SPRY4: variants seen among roughly 807,000 people sequenced by gnomAD.
SPRY4 encodes sprouty RTK signaling antagonist 4.
Under a neutral mutation model 17.0 loss-of-function variants are expected in SPRY4, and 7 were observed. The ratio of observed to expected loss-of-function variants is 0.41; its 90% CI spans 0.23 to 0.77. SPRY4 has a LOEUF of 0.77. Ranked by LOEUF, SPRY4 falls within the 30% of genes least tolerant of loss-of-function variation. SPRY4 has a pLI of 0.32. For missense variants in SPRY4, 435 were observed against 419.9 expected (o/e 1.04, Z -0.31); for synonymous variants, 183 against 174.1 (o/e 1.05, Z -0.40).
At position 142,314,588 on chromosome 5, in the gene SPRY4, C is replaced by G; in HGVS notation, c.521G>C (p.Arg174Pro). ...GCAGACCCAGCAGGAAGGCAACGTC[C>G]GGGGGGATGCACACTCCTTGCATTT... ...KCKCKECASPRTLPSCWVCNQ... is the reference protein window; with the variant it reads ...KCKCKECASPPTLPSCWVCNQ... The change falls in exon 2 of 2, where the codon CGG becomes CCG. Residue 174 changes from arginine to proline, a missense_variant. Physicochemically the swap from Arg to Pro is moderately radical, Grantham distance 103. Transcript: ENST00000434127. The surrounding 1 kb of genome is among the most constrained non-coding windows in gnomAD (Gnocchi z 4.8). The G allele has an allele frequency of 6.2e-7, 1 of 1,614,206 alleles. No homozygotes were observed. The highest frequency in any genetic ancestry group is 8.5e-7 in the Non-Finnish European group (1 of 1,180,030).
rs773748066 is a variant in SPRY4, at chr5:142,314,527, G to A, written c.582C>T (p.Val194=). The A allele has an allele frequency of 1.9e-6, 3 of 1,614,218 alleles. No individual in the cohort carries two copies. The highest frequency in any genetic ancestry group is 2.5e-6 in the Non-Finnish European group (3 of 1,180,030). The change falls in exon 2 of 2, where the codon GTC becomes GTT. Residue 194 remains valine (V), a synonymous_variant. Coordinates refer to ENST00000434127, the MANE Select transcript of SPRY4 (RefSeq NM_001127496.3). This position sits in a 1 kb window ranked among gnomAD's most constrained non-coding sequence, Gnocchi z 4.8. ...QECLCSAQTL[V]NYGTCMCLVQ... is the part of the protein sequence containing the mutation. Reference sequence around the variant, plus strand: ...CCAAACACATGCACGTGCCATAGTTGACCAGAGTCTGGGCTGAGCACAGGC... The same window carrying A: ...CCAAACACATGCACGTGCCATAGTTAACCAGAGTCTGGGCTGAGCACAGGC...
chr5:142,323,254 G>C (rs988533354), intron 1 of SPRY4, among the ~76,000 whole-genome samples: 4 of 145,972 alleles, frequency 2.7e-5, no homozygotes, highest in Non-Finnish European at 4.6e-5. Context: ...ACTTGTCAGG[G>C]AGGTTAGTGC....
intron 1 of SPRY4, among the ~76,000 whole-genome samples, chr5:142,321,028 C>G (rs771215482): frequency 1.1e-4 from 16 of 152,234 alleles, no homozygotes; most frequent in Non-Finnish European, 2.4e-4. Context: ...AAAGAACAAT[C>G]ATGATCACAG....
chr5:142,317,755 A>AG, intron 1 of SPRY4: 1 of 985,336 alleles, frequency 1.0e-6, no homozygotes, highest in Non-Finnish European at 1.2e-6. Context: ...TTCATGGAAA[A>AG]GTCCCACCAG....
At chr5:142,317,220 G>A (rs775616783) in intron 1 of SPRY4, 2 of 985,432 alleles carry the variant, frequency 2.0e-6, no homozygotes, top group Non-Finnish European at 2.4e-6. Context: ...GGAATTCCAG[G>A]GAATGCTACC....
At chr5:142,315,357 G>A (rs1051631213) in intron 1 of SPRY4, 2 of 548,270 alleles carry the variant, frequency 3.6e-6, no homozygotes, top group African/African-American at 3.7e-5. Flanking sequence ...TAATACTACT[G>A]AGCACTTAAG....
intron 1 of SPRY4, chr5:142,323,860 C>G (rs1759433401): frequency 2.0e-5 from 3 of 152,592 alleles, no homozygotes. Context: ...TCCCCGGGGT[C>G]TTGGCGATTC....
rs574277510 is a variant in SPRY4 at position 142,321,077 on chromosome 5, G to A, written c.-48+3767C>T. Among the ~76,000 whole-genome samples, 9 of 152,260 alleles carry A rather than the reference G, an allele frequency of 5.9e-5. No homozygotes were observed. In the South Asian group the frequency reaches 1.5e-3, roughly 25 times the overall value. On this transcript the variant is annotated intron_variant, in intron 1 of 1. Transcript: ENST00000434127. ...CCTCTTAAGCCCAGCCACATGTCCC[G>A]GATACATTCCCCAGCCTTGTCAGCT...
In SPRY4 at chr5:142,314,958, C is replaced by T; in HGVS notation, c.151G>A (p.Asp51Asn). 1 of 1,614,094 alleles carries T rather than the reference C, an allele frequency of 6.2e-7. No homozygotes were observed. The highest frequency in any genetic ancestry group is 1.1e-5 in the South Asian group (1 of 91,078). The change falls in exon 2 of 2, where the codon GAC becomes AAC. Residue 51 changes from aspartate to asparagine, a missense_variant. Physicochemically the swap from Asp to Asn is conservative, Grantham distance 23. Coordinates refer to ENST00000434127, the MANE Select transcript of SPRY4 (RefSeq NM_001127496.3). This position sits in a 1 kb window ranked among gnomAD's most constrained non-coding sequence, Gnocchi z 4.8. ...DQVKTSHVEN[D>N]YIDNPSLALT... ...GCCAGGCTAGGGTTGTCTATGTAGT[C>T]ATTCTCCACATGGCTGGTCTTCACC...
In SPRY4 at chr5:142,323,348, A is replaced by G. The variant is rs566874910; in HGVS notation, c.-48+1496T>C. On this transcript the variant is annotated intron_variant, in intron 1 of 1. Coordinates refer to ENST00000434127, the MANE Select transcript of SPRY4 (RefSeq NM_001127496.3). ...CCTCCAGTGTGTCTGGCCTCTCCCAAAACTGGAGAGAATCACGCCACTGAT... is the reference window on the plus strand; with the variant it reads ...CCTCCAGTGTGTCTGGCCTCTCCCAGAACTGGAGAGAATCACGCCACTGAT... Among the ~76,000 whole-genome samples the G allele has an allele frequency of 1.2e-4, 19 of 152,310 alleles. No individual in the cohort carries two copies. In the East Asian group the frequency reaches 2.7e-3, roughly 22 times the overall value.
chr5:142,311,003 T>A lies in SPRY4; in HGVS notation c.*3206A>T, dbSNP rs1229182851. 1 of 152,156 alleles carries A rather than the reference T, an allele frequency of 6.6e-6. No homozygotes were observed. Among genetic ancestry groups the A allele is most frequent in the African/African-American group, 2.4e-5 (1 of 41,412 alleles). 9.4% of individuals were successfully genotyped at this position (152,156 alleles called of 1,614,324 possible). On this transcript the variant is annotated 3_prime_UTR_variant, in exon 2 of 2. Transcript: ENST00000434127. ...TCCGGGTTCTGGTGCAGATCAACTTTCCACGTGTGCCATCTTGGACAAGTC... is the reference window on the plus strand; with the variant it reads ...TCCGGGTTCTGGTGCAGATCAACTTACCACGTGTGCCATCTTGGACAAGTC...
intron 1 of SPRY4, among the ~76,000 whole-genome samples, chr5:142,321,201 C>A (rs1733439110): frequency 6.6e-6 from 1 of 152,160 alleles, no homozygotes; most frequent in South Asian, 2.1e-4. Flanking sequence ...AAAGGGGCAC[C>A]CTTAAAACTA....
Position 142,314,659 on chromosome 5 carries a change from G to C in SPRY4, c.450C>G (p.Pro150=), listed in dbSNP as rs749035667. 2 of 1,614,114 alleles carry C rather than the reference G, an allele frequency of 1.2e-6. No homozygotes were observed. The highest frequency in any genetic ancestry group is 1.3e-5 in the African/African-American group (1 of 74,948). The change falls in exon 2 of 2, where the codon CCC becomes CCG. Residue 150 remains proline, a synonymous_variant. Coordinates refer to ENST00000434127, the MANE Select transcript of SPRY4 (RefSeq NM_001127496.3). This position sits in a 1 kb window ranked among gnomAD's most constrained non-coding sequence, Gnocchi z 4.8. ...PLDLKGPAVP[P]ELDKHFLLCE... Reference sequence around the variant, plus strand: ...ACAGCAAGAAGTGCTTGTCCAGCTCGGGTGGGACCGCCGGGCCCTTGAGGT... The same window carrying C: ...ACAGCAAGAAGTGCTTGTCCAGCTCCGGTGGGACCGCCGGGCCCTTGAGGT...
At position 142,313,339 on chromosome 5, in the gene SPRY4, T is replaced by C. The variant is rs1758996385; in HGVS notation, c.*870A>G. 1.3e-5 allele frequency: 2 copies of C among 152,508 alleles called. No homozygotes were observed. The highest frequency in any genetic ancestry group is 2.1e-4 in the South Asian group (1 of 4,816). The allele number at this position is 152,508 out of a possible 1,614,324, so 9.4% of individuals were successfully genotyped here. On this transcript the variant is annotated 3_prime_UTR_variant, in exon 2 of 2. Coordinates refer to ENST00000434127, the MANE Select transcript of SPRY4 (RefSeq NM_001127496.3). ...AGCCTCAGACTCATTGGCAAAATGA[T>C]ATTTGGTCTCGCATTTGCCGCCCTG... is the stretch of plus-strand genomic sequence containing the variant.
At chr5:142,319,817 T>C (rs1385808258) in intron 1 of SPRY4, 1 of 1,601,576 alleles carries the variant, frequency 6.2e-7, no homozygotes, top group East Asian at 2.2e-5. Flanking sequence ...AAGAGGCATG[T>C]TAAATGTCCG....
At chr5:142,323,007 C>A (rs1434108848) in intron 1 of SPRY4, among the ~76,000 whole-genome samples, 1 of 151,330 alleles carries the variant, frequency 6.6e-6, no homozygotes, top group South Asian at 2.1e-4. Context: ...TTAACTGCAG[C>A]CCTGCCTCTC....
At position 142,311,384 on chromosome 5, in the gene SPRY4, T is replaced by G. The variant is rs892732210; in HGVS notation, c.*2825A>C. 1.3e-5 allele frequency: 2 copies of G among 152,206 alleles called. No individual in the cohort carries two copies. Among genetic ancestry groups the G allele is most frequent in the African/African-American group, 4.8e-5 (2 of 41,396 alleles). The allele number at this position is 152,206 out of a possible 1,614,324, so 9.4% of individuals were successfully genotyped here. On this transcript the variant is annotated 3_prime_UTR_variant, in exon 2 of 2. Coordinates refer to ENST00000434127, the MANE Select transcript of SPRY4 (RefSeq NM_001127496.3). ...ACCAGGGGCGGGAACTAACCAGCACTTTTCAAAAAAGGTCAAGCCGAGGCA... is the reference window on the plus strand; with the variant it reads ...ACCAGGGGCGGGAACTAACCAGCACGTTTCAAAAAAGGTCAAGCCGAGGCA...
intron 1 of SPRY4, among the ~76,000 whole-genome samples, chr5:142,319,538 T>C: frequency 6.6e-6 from 1 of 152,114 alleles, no homozygotes; most frequent in East Asian, 1.9e-4. Flanking sequence ...ACCTATCAAG[T>C]TGAACTTAAG....
chr5:142,314,087 G>T lies in SPRY4; in HGVS notation c.*122C>A. On this transcript the variant is annotated 3_prime_UTR_variant, in exon 2 of 2. Transcript: ENST00000434127. This position sits in a 1 kb window ranked among gnomAD's most constrained non-coding sequence, Gnocchi z 4.8. ...TGTATTTTCCGAAGCTGGGGGTAGG[G>T]AGTGGGCAGACTAGCAAGGTCAGCC... is the stretch of plus-strand genomic sequence containing the variant. 1 of 1,015,902 alleles carries T rather than the reference G, an allele frequency of 9.8e-7. No homozygotes were observed. The highest frequency in any genetic ancestry group is 1.4e-6 in the Non-Finnish European group (1 of 710,676). 62.9% of individuals were successfully genotyped at this position (1,015,902 alleles called of 1,614,324 possible). A position where few individuals can be genotyped will look rare whatever the true frequency, so the allele number is the denominator to read the frequency against.
Sources: allele counts gnomAD v4.1 joint callset (sites outside exome capture counted in the v4.1 genomes callset), GRCh38; gene constraint gnomAD v4.1.1; non-coding constraint Gnocchi (gnomAD v3.1); transcripts MANE v1.5; gene names NCBI Gene and HGNC (gene_info 2026-07-23, HGNC 2026-07-21).